Variants in CDH18 observed in about 807,000 individuals in gnomAD.
The protein encoded by CDH18 is cadherin 18.
A neutral mutation model predicts 67.9 loss-of-function variants in CDH18; 31 were observed. The observed-to-expected ratio is 0.46, with a 90% CI of 0.34 to 0.62. The LOEUF (loss-of-function observed/expected upper bound fraction) is 0.62, where lower values mean the gene tolerates loss of function less well. CDH18 is among the 20% of genes least tolerant of loss of function. The pLI is 0.01. For synonymous variants in CDH18, 362 were observed against 347.2 expected (o/e 1.04, Z -0.48); for missense variants, 890 against 975.5 (o/e 0.91, Z 1.17).
chr5:20,532,089 AC>A (rs1436695831), intron 1 of CDH18, among the ~76,000 whole-genome samples: 1 of 152,096 alleles, frequency 6.6e-6, no homozygotes, highest in Non-Finnish European at 1.5e-5. Flanking sequence ...ATTCTACCTT[AC>A]AAGTTTAATG....
chr5:19,688,558 C>G (rs1285657798), intron 5 of CDH18, among the ~76,000 whole-genome samples: 1 of 152,090 alleles, frequency 6.6e-6, no homozygotes, highest in Non-Finnish European at 1.5e-5. Context: ...TCTAAGAAAG[C>G]AAATCCCAAA....
intron 1 of CDH18, among the ~76,000 whole-genome samples, chr5:20,376,091 A>ATTTTTTTTTTTTTTTTTTTTTTTGTT (rs562655039): frequency 2.0e-5 from 1 of 49,748 alleles, no homozygotes; most frequent in Admixed American, 4.4e-4. Flanking sequence ...AAAAGAAACA[A>ATTTTTTTTTTTTTTTTTTTTTTTGTT]TTTTTTTTTT....
chr5:19,765,921 C>A (rs1051708170), intron 3 of CDH18, among the ~76,000 whole-genome samples: 2 of 151,992 alleles, frequency 1.3e-5, no homozygotes, highest in African/African-American at 4.8e-5. Flanking sequence ...GCTCTGCCAC[C>A]CAGGCTGGAG....
chr5:20,499,546 C>A (rs991141164), intron 1 of CDH18, among the ~76,000 whole-genome samples: 2 of 152,084 alleles, frequency 1.3e-5, no homozygotes, highest in African/African-American at 4.8e-5. Context: ...GTTTTAACAT[C>A]TCCTCAATCC....
chr5:19,937,064 C>G (rs1303879727), intron 2 of CDH18, among the ~76,000 whole-genome samples: 2 of 151,114 alleles, frequency 1.3e-5, no homozygotes, highest in Non-Finnish European at 3.0e-5. Flanking sequence ...TTTTTGAAAA[C>G]CAATGTTATA....
At chr5:19,486,427 C>T (rs1442787389) in intron 11 of CDH18, among the ~76,000 whole-genome samples, 2 of 151,860 alleles carry the variant, frequency 1.3e-5, no homozygotes, top group East Asian at 1.9e-4. Flanking sequence ...CAATAAAATA[C>T]GTCTTGCTGA....
At position 19,501,401 on chromosome 5, in the gene CDH18, G is replaced by A. The variant is rs58402162; in HGVS notation, c.1630+1591C>T. ...GTAGATCACCTGAGGTCAGGAGTTC[G>A]AGATCAGCCTGGCCAACATGGTGAA... On this transcript the variant is annotated intron_variant, in intron 11 of 12. Transcript: ENST00000382275. Among the ~76,000 whole-genome samples, 1,327 of 149,442 alleles carry A rather than the reference G, an allele frequency of 8.9e-3. 18 individuals are homozygous for A. The highest frequency in any genetic ancestry group is 0.03 in the African/African-American group (1,243 of 40,836).
chr5:20,470,358 G>T (rs776171730), intron 1 of CDH18, among the ~76,000 whole-genome samples: 2 of 152,160 alleles, frequency 1.3e-5, no homozygotes, highest in Non-Finnish European at 2.9e-5. Flanking sequence ...GCAGTGACAT[G>T]AATGGAGAAA....
At chr5:20,016,557 C>A (rs1459562780) in intron 2 of CDH18, among the ~76,000 whole-genome samples, 1 of 152,114 alleles carries the variant, frequency 6.6e-6, no homozygotes, top group Admixed American at 6.5e-5. Flanking sequence ...AGCTGAGATT[C>A]TCTGAAAAAT....
intron 10 of CDH18, among the ~76,000 whole-genome samples, chr5:19,516,716 G>C (rs1170402192): frequency 1.3e-5 from 2 of 151,860 alleles, no homozygotes; most frequent in African/African-American, 4.8e-5. Flanking sequence ...ATTTTTTATT[G>C]TGTCTATTTG....
chr5:20,313,366 TTG>T (rs1441058782), intron 1 of CDH18, among the ~76,000 whole-genome samples: 1 of 152,124 alleles, frequency 6.6e-6, no homozygotes, highest in Admixed American at 6.6e-5. Context: ...ACTGATTTTT[TTG>T]TCATTTGATT....
chr5:19,988,837 C>T (rs1213794586), upstream of CDH18, among the ~76,000 whole-genome samples: 2 of 152,088 alleles, frequency 1.3e-5, no homozygotes, highest in Non-Finnish European at 2.9e-5. Flanking sequence ...TCCTTTAACG[C>T]CTTCACCCAA....
Position 19,591,215 on chromosome 5 carries a change from C to G in CDH18, c.841G>C (p.Ala281Pro). 1 of 1,611,436 alleles carries G rather than the reference C, an allele frequency of 6.2e-7. No individual in the cohort carries two copies. Among genetic ancestry groups the G allele is most frequent in the Non-Finnish European group, 8.5e-7 (1 of 1,178,610 alleles). The change falls in exon 7 of 13, where the codon GCT (alanine) becomes CCT (proline). Residue 281 changes from alanine (A) to proline (P), a missense_variant. By Grantham distance (27) the Ala-to-Pro change is conservative (BLOSUM62 -1). Coordinates refer to ENST00000382275, the MANE Select transcript of CDH18 (RefSeq NM_004934.5). Reference sequence around the variant, plus strand: ...TTCCCAACAGCTGAACCAACTTGAGCTGACTCAGGAACATATAGCTGATAG... The same window carrying G: ...TTCCCAACAGCTGAACCAACTTGAGGTGACTCAGGAACATATAGCTGATAG... ...KHYQLYVPES[A>P]QVGSAVGKIK... is the part of the protein sequence containing the mutation.
chr5:20,290,921 A>G (rs1378190459), intron 1 of CDH18, among the ~76,000 whole-genome samples: 2 of 152,142 alleles, frequency 1.3e-5, no homozygotes, highest in African/African-American at 2.4e-5. Context: ...ATGTGTTAAG[A>G]TTCCAGTGCT....
chr5:19,746,637 G>A (rs1053640894), intron 4 of CDH18, among the ~76,000 whole-genome samples: 2 of 152,048 alleles, frequency 1.3e-5, no homozygotes, highest in Admixed American at 6.5e-5. Context: ...TAGAATTCAC[G>A]TGATAGAAGA....
chr5:20,041,198 G>T (rs1740392911), intron 2 of CDH18, among the ~76,000 whole-genome samples: 1 of 152,090 alleles, frequency 6.6e-6, no homozygotes, highest in South Asian at 2.1e-4. Flanking sequence ...ATGATATCTT[G>T]CATGTATAGT....
At chr5:19,979,332 A>C (rs1798809220) in intron 2 of CDH18, among the ~76,000 whole-genome samples, 1 of 151,938 alleles carries the variant, frequency 6.6e-6, no homozygotes. Flanking sequence ...GCAATATAGT[A>C]ATCTTGTATA....
chr5:19,643,529 C>T (rs188697704), intron 5 of CDH18, among the ~76,000 whole-genome samples: 17 of 152,218 alleles, frequency 1.1e-4, no homozygotes, highest in Admixed American at 3.9e-4. Context: ...CTTCCAATAA[C>T]GTGGATGTAC....
chr5:20,140,882 T>G (rs1420215052), intron 2 of CDH18, among the ~76,000 whole-genome samples: 1 of 152,140 alleles, frequency 6.6e-6, no homozygotes, highest in Non-Finnish European at 1.5e-5. Flanking sequence ...TCCATCAAAC[T>G]TCCAGACAAC....
Sources: allele counts gnomAD v4.1 joint callset (sites outside exome capture counted in the v4.1 genomes callset), GRCh38; gene constraint gnomAD v4.1.1; transcripts MANE v1.5; gene names NCBI Gene and HGNC (gene_info 2026-07-23, HGNC 2026-07-21).